Variants in MYPN observed in about 807,000 individuals in gnomAD.
MYPN encodes the protein myopalladin.
MYPN carries 63 observed loss-of-function variants against 129.4 expected under a neutral mutation model. The ratio of observed to expected loss-of-function variants is 0.49; its 90% confidence interval spans 0.40 to 0.60. The LOEUF is 0.60. Among genes scored for constraint, MYPN ranks in the 20% least tolerant of loss-of-function variants. The pLI, the probability that MYPN is intolerant of heterozygous loss-of-function variation, is 0.00. For synonymous variants in MYPN, 629 were observed against 600.9 expected, an observed-to-expected ratio of 1.05 and a Z score of -0.68; for missense variants, 1,596 against 1,635.4, an observed-to-expected ratio of 0.98 and a Z score of 0.42.
intron 1 of MYPN, among the ~76,000 whole-genome samples, chr10:68,113,380 T>C (rs1004455327): frequency 2.0e-5 from 3 of 152,178 alleles, no homozygotes; most frequent in African/African-American, 4.8e-5. Flanking sequence ...TCCCACATTA[T>C]AAGGAATGTA....
At chr10:68,145,642 AAAAT>A (rs909452914) in intron 4 of MYPN, 116 bp downstream of exon 4, 42 of 780,698 alleles carry the variant, frequency 5.4e-5, no homozygotes, top group South Asian at 8.8e-5. Context: ...TTTGACCACA[AAAAT>A]AAATAAATAA....
At chr10:68,115,258 CA>C (rs58484168) in intron 1 of MYPN, among the ~76,000 whole-genome samples, 1,091 of 53,652 alleles carry the variant, frequency 0.02, 17 homozygotes, top group East Asian at 0.17. Flanking sequence ...AACTCCATCT[CA>C]AAAAAAAAAA....
At chr10:68,138,821 C>T (rs567947664) in intron 2 of MYPN, among the ~76,000 whole-genome samples, 9 of 152,256 alleles carry the variant, frequency 5.9e-5, no homozygotes, top group African/African-American at 1.9e-4. Flanking sequence ...TGCTTACCTT[C>T]CAGTTACTAC....
intron 1 of MYPN, among the ~76,000 whole-genome samples, chr10:68,093,474 C>G (rs2041940362): frequency 6.6e-6 from 1 of 150,944 alleles, no homozygotes; most frequent in Non-Finnish European, 1.5e-5. Context: ...CGTGGTGGCT[C>G]ATGCCTGTAA....
intron 10 of MYPN, 23 bp from the exon 11 acceptor site, chr10:68,174,043 C>A: frequency 6.4e-7 from 1 of 1,551,150 alleles, no homozygotes; most frequent in Non-Finnish European, 8.9e-7. Flanking sequence ...CCTTCTCTCT[C>A]TCCACCCTTG....
At chr10:68,204,396 C>T (rs2043775531) in intron 18 of MYPN, among the ~76,000 whole-genome samples, 1 of 152,190 alleles carries the variant, frequency 6.6e-6, no homozygotes, top group Non-Finnish European at 1.5e-5. Flanking sequence ...CTATTCAATA[C>T]CCCTCCTCAC....
intron 5 of MYPN, 82 bp from the exon 6 acceptor site, chr10:68,149,958 A>G: frequency 3.7e-6 from 5 of 1,337,362 alleles, no homozygotes; most frequent in South Asian, 1.2e-5. Context: ...TTCATATACC[A>G]AATTCTATAG....
intron 8 of MYPN, among the ~76,000 whole-genome samples, chr10:68,164,631 G>A (rs2043027447): frequency 1.3e-5 from 2 of 152,198 alleles, no homozygotes; most frequent in South Asian, 4.1e-4. Flanking sequence ...TCAGTTCAAT[G>A]GAGTGATAAC....
Position 68,210,384 on chromosome 10 carries a change from T to C in MYPN, c.3892T>C (p.Phe1298Leu). 6.2e-7 allele frequency: 1 copy of C among 1,614,106 alleles called. No individual in the cohort carries two copies. Among genetic ancestry groups the C allele is most frequent in the Non-Finnish European group, 8.5e-7 (1 of 1,180,006 alleles). The change falls in exon 20 of 20, where the codon TTT becomes CTT. Residue 1298 changes from phenylalanine (F) to leucine (L), a missense_variant. Coordinates refer to ENST00000358913, the MANE Select transcript of MYPN (RefSeq NM_032578.4). ...TAAAGGACTTGACATATTTTCTGCC[T>C]TTTCCTCCATGGAAAGCACGATGGT... Reference protein sequence around the residue: ...TSKGLDIFSAFSSMESTMVYS... With the variant: ...TSKGLDIFSALSSMESTMVYS...
In MYPN at chr10:68,148,381, C is replaced by T. The variant is rs768508740; in HGVS notation, c.1159C>T (p.Pro387Ser). The change falls in exon 5 of 20, where the codon CCT becomes TCT. Residue 387 changes from proline (P) to serine (S), a missense_variant. Pro to Ser is a moderately conservative substitution (Grantham distance 74, BLOSUM62 -1). Coordinates refer to ENST00000358913, the MANE Select transcript of MYPN (RefSeq NM_032578.4). ...RIQKPNEVSSPPTTSAVIPPA... is the reference protein window; with the variant it reads ...RIQKPNEVSSSPTTSAVIPPA... ...CCAGAAGCCAAATGAGGTGTCATCT[C>T]CTCCCACTACCTCTGCAGTCATTCC... 8.7e-6 allele frequency: 14 copies of T among 1,613,966 alleles called. No individual in the cohort carries two copies. The East Asian group carries it at 2.7e-4, about 31-fold the overall frequency.
chr10:68,110,359 A>C (rs2042065753), intron 1 of MYPN, among the ~76,000 whole-genome samples: 1 of 152,190 alleles, frequency 6.6e-6, no homozygotes, highest in African/African-American at 2.4e-5. Context: ...ACATTGCACT[A>C]TTAGCAGTAA....
chr10:68,125,043 A>G (rs1218126830), intron 2 of MYPN, among the ~76,000 whole-genome samples: 1 of 152,178 alleles, frequency 6.6e-6, no homozygotes, highest in Non-Finnish European at 1.5e-5. Flanking sequence ...AGATTGATTA[A>G]AACAAAAATT....
In MYPN at chr10:68,197,398, C is replaced by T. The variant is rs368448794; in HGVS notation, c.3205C>T (p.Arg1069Cys). 16 of 1,613,824 alleles carry T rather than the reference C, an allele frequency of 9.9e-6. No individual in the cohort carries two copies. Among genetic ancestry groups the T allele is most frequent in the East Asian group, 6.7e-5 (3 of 44,886 alleles). The change falls in exon 16 of 20, where the codon CGC becomes TGC. Residue 1069 changes from arginine (R) to cysteine (C), a missense_variant. Transcript: ENST00000358913. ...QERDKEPLQE[R>C]FFRPHFLQAP... ...AAGAGACAAAGAGCCCCTACAGGAA[C>T]GCTTTTTCCGACCACATTTCCTGCA...
intron 2 of MYPN, among the ~76,000 whole-genome samples, chr10:68,132,614 C>A (rs2042427486): frequency 6.6e-6 from 1 of 152,034 alleles, no homozygotes; most frequent in African/African-American, 2.4e-5. Context: ...CCTGTCCAGA[C>A]CATACTGCAA....
intron 1 of MYPN, among the ~76,000 whole-genome samples, chr10:68,117,790 A>T (rs902120813): frequency 3.9e-4 from 59 of 150,992 alleles, no homozygotes; most frequent in African/African-American, 1.0e-3. Context: ...AAATAATAAT[A>T]ATAATTATTA....
rs150288681 is a variant in MYPN at position 68,131,376 on chromosome 10, G to A, written c.902+9036G>A. On this transcript the variant is annotated intron_variant, in intron 2 of 19. Transcript: ENST00000358913. ...TGCACTCCAGCCTGGGCAACAGATC[G>A]AGACTGTGTCTCAAAAAAAAAAAAA... Among the ~76,000 whole-genome samples the A allele has an allele frequency of 9.0e-3, 1,358 of 150,268 alleles. 34 individuals carry two copies. The East Asian group carries it at 0.11, about 12-fold the overall frequency.
In MYPN at chr10:68,175,411, C is replaced by T. The variant is rs199476412; in HGVS notation, c.2653C>T (p.Arg885Ter). The T allele has an allele frequency of 1.9e-6, 3 of 1,613,904 alleles. No homozygotes were observed. The highest frequency in any genetic ancestry group is 2.2e-5 in the East Asian group (1 of 44,888). The part of the protein sequence containing the change: ...NIRETKNAVI[R>*]DLGKKITFSD... ...TCGTGAAACTAAGAACGCAGTGATT[C>T]GAGACTTGGGGAAAAAAATAACTTT... is the stretch of plus-strand genomic sequence containing the variant. Residue 885 changes from arginine to a stop codon, truncating the protein, a stop_gained, in exon 12 of 20, where the codon CGA becomes TGA. Transcript: ENST00000358913. LOFTEE classifies it high-confidence loss of function.
chr10:68,206,078 T>G (rs2043810535), intron 18 of MYPN, among the ~76,000 whole-genome samples: 1 of 152,098 alleles, frequency 6.6e-6, no homozygotes, highest in African/African-American at 2.4e-5. Flanking sequence ...CTTGGAAGTA[T>G]GAGTGATAAG....
At chr10:68,161,371 C>T (rs2042971849) in intron 7 of MYPN, among the ~76,000 whole-genome samples, 1 of 152,086 alleles carries the variant, frequency 6.6e-6, no homozygotes, top group Non-Finnish European at 1.5e-5. Flanking sequence ...TGGCACATGC[C>T]TATAATTCCA....
Sources: gnomAD v4.1 joint callset for allele counts (sites outside exome capture counted in the v4.1 genomes callset) on GRCh38, gnomAD v4.1.1 for gene constraint, MANE v1.5 for transcripts, NCBI Gene and HGNC (gene_info 2026-07-23, HGNC 2026-07-21) for gene names.